The following PCM1 variants were observed in gnomAD, a reference collection of about 807,000 sequenced individuals.
PCM1 encodes the protein pericentriolar material 1.
In PCM1, 157 loss-of-function variants were observed where a neutral mutation model predicts 241.9. The ratio of observed to expected loss-of-function variants is 0.65; its 90% CI spans 0.57 to 0.74. PCM1 has a LOEUF of 0.74. Ranked by LOEUF, PCM1 falls within the 30% of genes least tolerant of loss-of-function variation. PCM1 has a pLI of 0.00. For missense variants in PCM1, 3,478 were observed against 2,360.1 expected (o/e 1.47, Z -9.81); for synonymous variants, 1,085 against 784.9 (o/e 1.38, Z -6.39).
chr8:18,027,353 C>G (rs1326878263), intron 38 of PCM1, among the ~76,000 whole-genome samples: 1 of 152,102 alleles, frequency 6.6e-6, no homozygotes, highest in Non-Finnish European at 1.5e-5. Flanking sequence ...CACAACCAGT[C>G]TTTTGTTGGT....
At chr8:18,025,483 T>C (rs778399693) in intron 37 of PCM1, 30 bp downstream of exon 37, 1 of 1,523,232 alleles carries the variant, frequency 6.6e-7, no homozygotes. Context: ...TAAACTTGTC[T>C]TTACATAACA....
chr8:18,016,967 G>C lies in PCM1; in HGVS notation c.5841+2127G>C, dbSNP rs115069107. 8.0e-3 allele frequency among the ~76,000 whole-genome samples: 1,215 copies of C among 152,332 alleles called. 11 individuals carry two copies. Among genetic ancestry groups the C allele is most frequent in the African/African-American group, 0.028 (1,161 of 41,566 alleles). On this transcript the variant is annotated intron_variant, in intron 36 of 38. Transcript: ENST00000325083. ...GGAAAATCCAAAACAGTTTGCTGAG[G>C]AATGTAGATTTAGAATGACCCTGGG...
At chr8:18,026,899 C>T (rs953650070) in intron 38 of PCM1, among the ~76,000 whole-genome samples, 2 of 152,040 alleles carry the variant, frequency 1.3e-5, no homozygotes, top group Non-Finnish European at 2.9e-5. Context: ...ATTTTGTTTT[C>T]GTAATATAAT....
At chr8:17,969,485 A>G (rs943791449) in intron 21 of PCM1, 92 bp from the exon 22 acceptor site, 4 of 941,206 alleles carry the variant, frequency 4.2e-6, no homozygotes, top group Non-Finnish European at 6.4e-6. Context: ...GTGGATTTGA[A>G]TGACATGTTT....
chr8:17,977,231 G>A (rs2079087097), intron 23 of PCM1, among the ~76,000 whole-genome samples: 2 of 151,862 alleles, frequency 1.3e-5, no homozygotes, highest in South Asian at 4.2e-4. Context: ...TTTATTGCTG[G>A]TTTTATATTA....
chr8:18,008,147 G>C (rs55839527), intron 30 of PCM1, among the ~76,000 whole-genome samples: 1 of 152,080 alleles, frequency 6.6e-6, no homozygotes, highest in Non-Finnish European at 1.5e-5. Flanking sequence ...AGCAGCAGGC[G>C]AGTGAGCAAA....
intron 29 of PCM1, among the ~76,000 whole-genome samples, chr8:17,998,035 G>GAAAAA (rs764623076): frequency 7.9e-6 from 1 of 127,232 alleles, no homozygotes; most frequent in South Asian, 2.6e-4. Flanking sequence ...GGCTCCGTCT[G>GAAAAA]AAAAAAAAAA....
At chr8:18,006,133 C>G in intron 29 of PCM1, 130 bp from the exon 30 acceptor site, 1 of 717,340 alleles carries the variant, frequency 1.4e-6, no homozygotes, top group Non-Finnish European at 2.2e-6. Context: ...TATTTCTAAA[C>G]AGACATCTGA....
intron 36 of PCM1, among the ~76,000 whole-genome samples, chr8:18,018,826 G>GTATA (rs201376546): frequency 2.3e-4 from 21 of 90,834 alleles, no homozygotes; most frequent in African/African-American, 8.1e-4. Context: ...AAAAAAATAT[G>GTATA]TATATATATA....
At chr8:17,933,570 T>C (rs745563020) in intron 2 of PCM1, among the ~76,000 whole-genome samples, 2 of 152,232 alleles carry the variant, frequency 1.3e-5, no homozygotes, top group African/African-American at 4.8e-5. Context: ...TTTCTACTTA[T>C]TCACATTTTT....
rs932619517 is a variant in PCM1, at chr8:17,991,617, G to T, written c.4607G>T (p.Ser1536Ile). The T allele has an allele frequency of 2.5e-6, 4 of 1,585,814 alleles. No individual in the cohort carries two copies. The Admixed American group carries it at 7.2e-5, about 29-fold the overall frequency. The change falls in exon 28 of 39, where the codon AGT becomes ATT. Residue 1536 changes from serine (S) to isoleucine (I), a missense_variant. Transcript: ENST00000325083. ...EYERMKTEAE[S>I]NSNMRCTCRI... The stretch of plus-strand genomic sequence containing the variant: ...GAGCGTATGAAGACTGAGGCTGAAA[G>T]TAACTCAAATATGAGATGCACCTGC...
intron 4 of PCM1, 73 bp downstream of exon 4, chr8:17,937,452 A>G: frequency 7.5e-7 from 1 of 1,337,950 alleles, no homozygotes; most frequent in Non-Finnish European, 1.0e-6. Flanking sequence ...AATTTGTCTT[A>G]GGAATAAAAA....
intron 38 of PCM1, among the ~76,000 whole-genome samples, chr8:18,027,126 CT>C (rs1306427720): frequency 6.6e-6 from 1 of 152,064 alleles, no homozygotes; most frequent in Non-Finnish European, 1.5e-5. Flanking sequence ...TTTGTTTTTC[CT>C]GGAAATGGAG....
At chr8:17,977,916 A>G (rs2079320794) in intron 23 of PCM1, among the ~76,000 whole-genome samples, 1 of 152,180 alleles carries the variant, frequency 6.6e-6, no homozygotes. Context: ...AGTCATGACT[A>G]GGCCAGTGAA....
chr8:18,017,745 C>T (rs1046308264), intron 36 of PCM1, among the ~76,000 whole-genome samples: 2 of 152,150 alleles, frequency 1.3e-5, no homozygotes, highest in Admixed American at 1.3e-4. Context: ...CCCAGCTACA[C>T]AGGAGGCTGA....
At chr8:17,943,139 C>G (rs1198343097) in intron 6 of PCM1, among the ~76,000 whole-genome samples, 1 of 150,228 alleles carries the variant, frequency 6.7e-6, no homozygotes, top group Non-Finnish European at 1.5e-5. Flanking sequence ...TTACCTAGGA[C>G]TACACTTTCC....
rs557994502 is a variant in PCM1, at chr8:17,955,490, G to A, written c.1309G>A (p.Asp437Asn). The change falls in exon 10 of 39, where the codon GAT becomes AAT. Residue 437 changes from aspartate to asparagine, a missense_variant. Coordinates refer to ENST00000325083, the MANE Select transcript of PCM1 (RefSeq NM_006197.4). ...NSSSSPQRSVDQRSTSAPSAS... is the reference protein window; with the variant it reads ...NSSSSPQRSVNQRSTSAPSAS... The stretch of plus-strand genomic sequence containing the variant: ...TTCAGCCTCTCCACAAAGGAGTGTC[G>A]ATCAGAGAAGTACTTCAGCTCCCTC... 105 of 1,610,086 alleles carry A rather than the reference G, an allele frequency of 6.5e-5. No homozygotes were observed. The highest frequency in any genetic ancestry group is 8.0e-5 in the African/African-American group (6 of 74,894).
intron 7 of PCM1, among the ~76,000 whole-genome samples, chr8:17,950,087 G>C (rs1451793769): frequency 6.6e-6 from 1 of 152,106 alleles, no homozygotes; most frequent in Non-Finnish European, 1.5e-5. Flanking sequence ...ATGCCCTTTT[G>C]TTTACATTGT....
chr8:18,002,723 C>G (rs2129483514), intron 29 of PCM1, among the ~76,000 whole-genome samples: 2 of 114,582 alleles, frequency 1.7e-5, no homozygotes, highest in South Asian at 5.5e-4. Flanking sequence ...TCTCCGCATC[C>G]TCTCCAGCAC....
Sources: allele counts gnomAD v4.1 joint callset (sites outside exome capture counted in the v4.1 genomes callset), GRCh38; gene constraint gnomAD v4.1.1; transcripts MANE v1.5; gene names NCBI Gene and HGNC (gene_info 2026-07-23, HGNC 2026-07-21).